The following SGCD variants were observed in gnomAD, a reference collection of about 807,000 sequenced individuals.
SGCD encodes the protein delta-sarcoglycan.
Under a neutral mutation model 36.6 loss-of-function variants are expected in SGCD, and 18 were observed. That is an observed-to-expected ratio of 0.49 (90% CI 0.34 to 0.73). The LOEUF is 0.73. Among genes scored for constraint, SGCD ranks in the 30% least tolerant of loss-of-function variants. SGCD has a pLI of 0.01. For synonymous variants in SGCD, 133 were observed against 130.6 expected (o/e 1.02, Z -0.12); for missense variants, 387 against 346.7 (o/e 1.12, Z -0.92).
intron 4 of SGCD, among the ~76,000 whole-genome samples, chr5:156,587,972 G>A (rs1760563415): frequency 6.6e-6 from 1 of 150,902 alleles, no homozygotes; most frequent in Admixed American, 6.6e-5. Flanking sequence ...ACAACTTGTA[G>A]GACAATGATT....
chr5:155,795,340 C>CAAAACACTAATGCAATAATGCAA, the SGCD span, among the ~76,000 whole-genome samples: 1 of 151,968 alleles, frequency 6.6e-6, no homozygotes, highest in Non-Finnish European at 1.5e-5. Flanking sequence ...TAATGCAAAG[C>CAAAACACTAATGCAATAATGCAA]AACACTAATG....
At chr5:156,285,996 A>G (rs1766586634) in intron 3 of SGCD, among the ~76,000 whole-genome samples, 2 of 152,188 alleles carry the variant, frequency 1.3e-5, no homozygotes, top group African/African-American at 4.8e-5. Context: ...GAACAACCCT[A>G]TCAAAAAATG....
At chr5:156,550,982 C>T (rs1454820843) in intron 4 of SGCD, among the ~76,000 whole-genome samples, 1 of 152,114 alleles carries the variant, frequency 6.6e-6, no homozygotes, top group African/African-American at 2.4e-5. Context: ...TGTTTCTTTA[C>T]CACTTGGCTG....
At chr5:156,318,178 A>G (rs1488182421) in intron 3 of SGCD, among the ~76,000 whole-genome samples, 2 of 152,228 alleles carry the variant, frequency 1.3e-5, no homozygotes, top group Non-Finnish European at 2.9e-5. Flanking sequence ...AAATTTTTAA[A>G]TTTAGCATGA....
chr5:156,092,487 G>A (rs1561716865), intron 1 of SGCD, among the ~76,000 whole-genome samples: 1 of 152,162 alleles, frequency 6.6e-6, no homozygotes, highest in Non-Finnish European at 1.5e-5. Context: ...AGCTTCTCAA[G>A]TTCTTTGCCA....
At chr5:156,628,047 G>A (rs555246909) in intron 6 of SGCD, among the ~76,000 whole-genome samples, 1 of 152,264 alleles carries the variant, frequency 6.6e-6, no homozygotes, top group South Asian at 2.1e-4. Flanking sequence ...CAGCTTTGGG[G>A]AAGCCTCAGG....
chr5:156,747,329 C>T (rs879474588), intron 7 of SGCD, among the ~76,000 whole-genome samples: 15 of 152,176 alleles, frequency 9.9e-5, no homozygotes, highest in African/African-American at 1.4e-4. Context: ...AAACCACAGA[C>T]ATTTATTACC....
intron 1 of SGCD, among the ~76,000 whole-genome samples, chr5:156,103,621 A>G (rs1761575534): frequency 6.6e-6 from 1 of 152,060 alleles, no homozygotes; most frequent in Non-Finnish European, 1.5e-5. Context: ...TGTAATTTGG[A>G]CCTAATTTGT....
intron 6 of SGCD, among the ~76,000 whole-genome samples, chr5:156,625,245 C>T (rs1262431353): frequency 6.6e-6 from 1 of 151,992 alleles, no homozygotes; most frequent in Non-Finnish European, 1.5e-5. Flanking sequence ...GTGCCTTTGT[C>T]AAGCTATTGG....
chr5:156,279,200 C>T lies in SGCD; in HGVS notation c.-43-50334C>T, dbSNP rs186060557. 3.7e-3 allele frequency among the ~76,000 whole-genome samples: 562 copies of T among 152,154 alleles called. 1 individual carries two copies. Among genetic ancestry groups the T allele is most frequent in the Middle Eastern group, 0.014 (4 of 294 alleles). The stretch of plus-strand genomic sequence containing the variant: ...CTTGAGCCTGATCTGTGTTTACAGT[C>T]TGTTATGGGCGGGGTAGGAAACACA... On this transcript the variant is annotated intron_variant, in intron 3 of 9. Coordinates refer to the SGCD transcript ENST00000517913.
chr5:155,931,499 A>G (rs979342790), intron 1 of SGCD, among the ~76,000 whole-genome samples: 5 of 152,166 alleles, frequency 3.3e-5, no homozygotes, highest in Non-Finnish European at 7.3e-5. Context: ...CATTTATACA[A>G]TTGTTTCTCT....
intron 1 of SGCD, among the ~76,000 whole-genome samples, chr5:156,079,852 C>A (rs781474208): frequency 2.6e-5 from 4 of 152,178 alleles, no homozygotes; most frequent in Non-Finnish European, 5.9e-5. Context: ...GTGGATCTAC[C>A]ATTTTGGAAT....
intron 4 of SGCD, among the ~76,000 whole-genome samples, chr5:156,558,088 AATATATATATATATATAT>A (rs67339181): frequency 3.2e-4 from 31 of 95,574 alleles, no homozygotes; most frequent in African/African-American, 8.7e-4. Context: ...AGTAAATACA[AATATATATATATATATAT>A]ATATATATAT....
chr5:156,628,014 G>A (rs1386981691), intron 6 of SGCD, among the ~76,000 whole-genome samples: 1 of 152,168 alleles, frequency 6.6e-6, no homozygotes, highest in African/African-American at 2.4e-5. Context: ...GGATGTATGA[G>A]AAGCATGATC....
chr5:156,132,976 G>T (rs987301227), intron 3 of SGCD, among the ~76,000 whole-genome samples: 2 of 152,178 alleles, frequency 1.3e-5, no homozygotes, highest in African/African-American at 4.8e-5. Flanking sequence ...TCTACAGCTG[G>T]TTTTATTGCT....
At chr5:156,593,620 C>T (rs949036165) in intron 5 of SGCD, among the ~76,000 whole-genome samples, 1 of 152,128 alleles carries the variant, frequency 6.6e-6, no homozygotes, top group South Asian at 2.1e-4. Flanking sequence ...TTTCCTTAAA[C>T]GTTCCCCAAA....
chr5:156,563,412 C>A (rs1277110367), intron 4 of SGCD, among the ~76,000 whole-genome samples: 1 of 152,150 alleles, frequency 6.6e-6, no homozygotes, highest in Non-Finnish European at 1.5e-5. Flanking sequence ...GGGAAATAAC[C>A]AAGGTCCCAT....
the SGCD span, among the ~76,000 whole-genome samples, chr5:155,777,651 C>G: frequency 6.6e-6 from 1 of 152,054 alleles, no homozygotes; most frequent in Non-Finnish European, 1.5e-5. Flanking sequence ...CCACAGTGCC[C>G]GGCCATAGAA....
intron 7 of SGCD, among the ~76,000 whole-genome samples, chr5:156,733,445 C>A (rs1344147477): frequency 6.6e-6 from 1 of 151,910 alleles, no homozygotes; most frequent in Non-Finnish European, 1.5e-5. Flanking sequence ...CTTGTGTGAT[C>A]AATTTTAGAG....
Sources: gnomAD v4.1 joint callset for allele counts (sites outside exome capture counted in the v4.1 genomes callset) on GRCh38, gnomAD v4.1.1 for gene constraint, MANE v1.5 for transcripts, NCBI Gene and HGNC (gene_info 2026-07-23, HGNC 2026-07-21) for gene names.